Variants in GLIPR1L2 observed in about 807,000 individuals in gnomAD.
GLIPR1L2 encodes GLIPR1-like protein 2.
GLIPR1L2 carries 21 observed loss-of-function variants against 28.4 expected under a neutral mutation model. The observed-to-expected ratio is 0.74, with a 90% CI of 0.52 to 1.06. The LOEUF is 1.06. Ranked by LOEUF, GLIPR1L2 falls within the 50% of genes least tolerant of loss-of-function variation. The probability of loss-of-function intolerance (pLI) is 0.00; values close to 1 mark genes in which losing one functional copy is unlikely to be tolerated. For missense variants in GLIPR1L2, 476 were observed against 416.9 expected (o/e 1.14, Z -1.23); for synonymous variants, 145 against 139.3 (o/e 1.04, Z -0.29).
Position 75,410,606 on chromosome 12 carries a change from G to T in GLIPR1L2, c.407G>T (p.Ser136Ile). The T allele has an allele frequency of 1.2e-6, 2 of 1,612,172 alleles. No homozygotes were observed. Residue 136 changes from serine (S) to isoleucine (I), a missense_variant, in exon 2 of 6, where the codon AGT (serine) becomes ATT (isoleucine). Coordinates refer to ENST00000550916, the MANE Select transcript of GLIPR1L2 (RefSeq NM_001270396.2). Reference protein sequence around the residue: ...NEFTASIAIRSWHAEKKMYNF... With the variant: ...NEFTASIAIRIWHAEKKMYNF... The stretch of plus-strand genomic sequence containing the variant: ...TTTACTGCAAGTATTGCTATCAGAA[G>T]TTGGCATGCAGAGAAGAAAATGTAC...
At chr12:75,423,567 A>T in intron 4 of GLIPR1L2, 1 of 639,094 alleles carries the variant, frequency 1.6e-6, no homozygotes, top group South Asian at 7.1e-5. Context: ...ATAGCATATT[A>T]TGTTGTTTTT....
At chr12:75,411,104 C>G (rs554164313) in intron 2 of GLIPR1L2, among the ~76,000 whole-genome samples, 27 of 151,824 alleles carry the variant, frequency 1.8e-4, no homozygotes, top group African/African-American at 6.3e-4. Flanking sequence ...ATTTCCCTGC[C>G]TCTGGTTCAA....
intron 3 of GLIPR1L2, among the ~76,000 whole-genome samples, chr12:75,416,679 A>C (rs2139952126): frequency 6.6e-6 from 1 of 152,248 alleles, no homozygotes; most frequent in East Asian, 1.9e-4. Flanking sequence ...CTTAATAAGA[A>C]TAGTGAGTAC....
chr12:75,391,435 C>T (rs2139902778), intron 1 of GLIPR1L2, 85 bp downstream of exon 1: 6 of 1,601,698 alleles, frequency 3.7e-6, no homozygotes, highest in Non-Finnish European at 5.1e-6. Context: ...GGCCACTGCT[C>T]TGAGGCTGAA....
Position 75,431,094 on chromosome 12 carries a change from A to G in GLIPR1L2, c.968A>G (p.Glu323Gly). 2 of 1,219,068 alleles carry G rather than the reference A, an allele frequency of 1.6e-6. No individual in the cohort carries two copies. Among genetic ancestry groups the G allele is most frequent in the African/African-American group, 3.0e-5 (2 of 66,664 alleles). 75.5% of individuals were successfully genotyped at this position (1,219,068 alleles called of 1,614,324 possible). A position where few individuals can be genotyped will look rare whatever the true frequency, so the allele number is the denominator to read the frequency against. Residue 323 changes from glutamate to glycine, a missense_variant, in exon 6 of 6, where the codon GAA becomes GGA. Glu to Gly is a moderately conservative substitution (Grantham distance 98). Transcript: ENST00000550916. ...MEMEIMEMEE[E>G]KEEREEEEEE... Reference sequence around the variant, plus strand: ...ATGGAAATAATGGAAATGGAGGAGGAAAAAGAAGAGAGAGAGGAGGAGGAG... The same window carrying G: ...ATGGAAATAATGGAAATGGAGGAGGGAAAAGAAGAGAGAGAGGAGGAGGAG...
At chr12:75,416,180 C>A (rs1360384963) in intron 3 of GLIPR1L2, among the ~76,000 whole-genome samples, 1 of 151,962 alleles carries the variant, frequency 6.6e-6, no homozygotes, top group African/African-American at 2.4e-5. Flanking sequence ...TGTGTTTAGT[C>A]TAAAAAACTG....
chr12:75,420,320 A>AAGTTTCTAC (rs953935985), intron 3 of GLIPR1L2, among the ~76,000 whole-genome samples: 1 of 152,230 alleles, frequency 6.6e-6, no homozygotes, highest in Non-Finnish European at 1.5e-5. Context: ...TAGGCAAAGA[A>AAGTTTCTAC]AGTTTCTACA....
intron 3 of GLIPR1L2, among the ~76,000 whole-genome samples, chr12:75,417,515 C>T (rs2045935034): frequency 6.6e-6 from 1 of 152,096 alleles, no homozygotes; most frequent in African/African-American, 2.4e-5. Context: ...AAGAATAAAA[C>T]AGACTTGGCC....
At chr12:75,417,327 GAAGCTGGAAA>G (rs1157122718) in intron 3 of GLIPR1L2, among the ~76,000 whole-genome samples, 3 of 152,120 alleles carry the variant, frequency 2.0e-5, no homozygotes, top group Non-Finnish European at 4.4e-5. Context: ...AAGGCCACCA[GAAGCTGGAAA>G]AATCAAGGAA....
At chr12:75,428,901 G>A (rs190489950) in intron 4 of GLIPR1L2, among the ~76,000 whole-genome samples, 2 of 152,256 alleles carry the variant, frequency 1.3e-5, no homozygotes, top group African/African-American at 4.8e-5. Flanking sequence ...GATGACAAGA[G>A]TTGAGCTTTG....
At chr12:75,391,977 G>T (rs887018068) in intron 1 of GLIPR1L2, among the ~76,000 whole-genome samples, 2 of 151,872 alleles carry the variant, frequency 1.3e-5, no homozygotes, top group Non-Finnish European at 2.9e-5. Flanking sequence ...TTACAATGCG[G>T]TTCTTGCTTT....
chr12:75,398,940 A>T (rs1360088452), intron 1 of GLIPR1L2, among the ~76,000 whole-genome samples: 1 of 152,302 alleles, frequency 6.6e-6, no homozygotes, highest in East Asian at 1.9e-4. Context: ...TATAAGTGGC[A>T]TTATGTGGAA....
At chr12:75,404,473 C>A (rs1169419621) in intron 1 of GLIPR1L2, among the ~76,000 whole-genome samples, 1 of 152,000 alleles carries the variant, frequency 6.6e-6, no homozygotes, top group Non-Finnish European at 1.5e-5. Context: ...ACAGCTGTGT[C>A]TTCTGAATTA....
chr12:75,403,139 A>T (rs958464332), intron 1 of GLIPR1L2: 3 of 456,674 alleles, frequency 6.6e-6, no homozygotes, highest in African/African-American at 6.0e-5. Flanking sequence ...TTGATTGGGG[A>T]TCCATTGGTG....
At chr12:75,400,306 A>G (rs1474649679) in intron 1 of GLIPR1L2, among the ~76,000 whole-genome samples, 1 of 151,716 alleles carries the variant, frequency 6.6e-6, no homozygotes, top group Non-Finnish European at 1.5e-5. Context: ...TATTTTTTTT[A>G]GTAGATATAG....
At chr12:75,426,064 A>G (rs10785190) in intron 4 of GLIPR1L2, among the ~76,000 whole-genome samples, 52,993 of 152,032 alleles carry the variant, frequency 0.35, 9,614 homozygotes, top group East Asian at 0.46. Context: ...ACTAGAGAGA[A>G]ATATATAGAT....
rs2045857062 is a variant in GLIPR1L2, at chr12:75,410,605, A to T, written c.406A>T (p.Ser136Cys). ...NEFTASIAIRSWHAEKKMYNF... is the reference protein window; with the variant it reads ...NEFTASIAIRCWHAEKKMYNF... The stretch of plus-strand genomic sequence containing the variant: ...ATTTACTGCAAGTATTGCTATCAGA[A>T]GTTGGCATGCAGAGAAGAAAATGTA... Residue 136 changes from serine (S) to cysteine (C), a missense_variant, in exon 2 of 6, where the codon AGT (serine) becomes TGT (cysteine). Ser to Cys is a moderately radical substitution (Grantham distance 112). Transcript: ENST00000550916. 2.5e-6 allele frequency: 4 copies of T among 1,612,086 alleles called. No homozygotes were observed. In the Admixed American group the frequency reaches 6.7e-5, roughly 27 times the overall value.
intron 2 of GLIPR1L2, among the ~76,000 whole-genome samples, chr12:75,411,125 TCA>T (rs2045862799): frequency 6.6e-6 from 1 of 151,894 alleles, no homozygotes. Flanking sequence ...TAATCCACCC[TCA>T]CACTTTATAC....
At chr12:75,399,524 C>G (rs1011963184) in intron 1 of GLIPR1L2, among the ~76,000 whole-genome samples, 1 of 152,132 alleles carries the variant, frequency 6.6e-6, no homozygotes, top group African/African-American at 2.4e-5. Flanking sequence ...TTATTATAAG[C>G]AAAGCTGTGT....
Sources: allele counts gnomAD v4.1 joint callset (sites outside exome capture counted in the v4.1 genomes callset), GRCh38; gene constraint gnomAD v4.1.1; transcripts MANE v1.5; gene names NCBI Gene and HGNC (gene_info 2026-07-23, HGNC 2026-07-21).